Variants in PILRA observed in about 807,000 individuals in gnomAD.
PILRA encodes the protein paired immunoglobin like type 2 receptor alpha.
Under a neutral mutation model 33.1 loss-of-function variants are expected in PILRA, and 37 were observed. The observed-to-expected ratio is 1.12, with a 90% CI of 0.86 to 1.47. PILRA has a LOEUF of 1.47. Among genes scored for constraint, PILRA ranks in the 40% most tolerant of loss-of-function variants. The pLI is 0.00. For missense variants in PILRA, 312 were observed against 376.2 expected (o/e 0.83, Z 1.41); for synonymous variants, 146 against 149.9 (o/e 0.97, Z 0.19).
chr7:100,398,205 GTTA>G (rs1052784704), intron 4 of PILRA, among the ~76,000 whole-genome samples: 12 of 152,150 alleles, frequency 7.9e-5, no homozygotes, highest in African/African-American at 2.9e-4. Flanking sequence ...CTTTCCTGGT[GTTA>G]TTAAGCTTTT....
rs576193471 is a variant in PILRA at position 100,384,301 on chromosome 7, A to G, written c.455-5587A>G. ...ACGTTTGAGTCGTTACTAGACATAC[A>G]AATGGAGGTGTGAACAGGTAGATCT... On this transcript the variant is annotated intron_variant, in intron 2 of 6. Transcript: ENST00000198536. Among the ~76,000 whole-genome samples, 17 of 151,974 alleles carry G rather than the reference A, an allele frequency of 1.1e-4. No homozygotes were observed. In the East Asian group the frequency reaches 3.3e-3, roughly 29 times the overall value.
At chr7:100,395,854 G>A (rs552499017) in intron 3 of PILRA, among the ~76,000 whole-genome samples, 1 of 152,270 alleles carries the variant, frequency 6.6e-6, no homozygotes, top group East Asian at 1.9e-4. Context: ...GGCCAGGAGT[G>A]GTGGCTCACA....
At chr7:100,390,193 T>C (rs1791358459) in intron 3 of PILRA, 87 bp downstream of exon 3, 1 of 1,169,306 alleles carries the variant, frequency 8.6e-7, no homozygotes, top group Non-Finnish European at 1.3e-6. Context: ...TCCTGAAATA[T>C]GCAGACCCTG....
At chr7:100,382,678 C>T (rs959548437) in intron 2 of PILRA, among the ~76,000 whole-genome samples, 10 of 152,338 alleles carry the variant, frequency 6.6e-5, no homozygotes, top group African/African-American at 2.4e-4. Context: ...TATCAACTGG[C>T]TCTGGTTCTC....
chr7:100,375,642 G>C (rs1790926077), intron 2 of PILRA, among the ~76,000 whole-genome samples: 1 of 152,224 alleles, frequency 6.6e-6, no homozygotes, highest in Non-Finnish European at 1.5e-5. Context: ...TGAGGCAGGA[G>C]AATCACTTGA....
At chr7:100,399,404 C>T in intron 5 of PILRA, 64 bp downstream of exon 5, 1 of 1,464,360 alleles carries the variant, frequency 6.8e-7, no homozygotes, top group Non-Finnish European at 9.6e-7. Flanking sequence ...CCCCAAATAC[C>T]CCCTACCTGG....
chr7:100,383,569 GCT>G (rs1408272248), intron 2 of PILRA, among the ~76,000 whole-genome samples: 1 of 152,120 alleles, frequency 6.6e-6, no homozygotes, highest in African/African-American at 2.4e-5. Context: ...ACTCACTTTT[GCT>G]CTGAGTGCCA....
chr7:100,376,109 T>A (rs567309952), intron 2 of PILRA: 1 of 152,198 alleles, frequency 6.6e-6, no homozygotes, highest in Non-Finnish European at 1.5e-5. Context: ...GATAAATTAC[T>A]CTTCCCTGCA....
At chr7:100,386,038 T>C (rs969316298) in intron 2 of PILRA, among the ~76,000 whole-genome samples, 3 of 151,938 alleles carry the variant, frequency 2.0e-5, no homozygotes, top group African/African-American at 7.3e-5. Context: ...CAAGTGATTC[T>C]CCTGCCTCAG....
intron 2 of PILRA, among the ~76,000 whole-genome samples, chr7:100,386,326 C>T (rs1169010044): frequency 1.3e-5 from 2 of 152,114 alleles, no homozygotes; most frequent in Non-Finnish European, 2.9e-5. Flanking sequence ...AGTGATGTAT[C>T]ATAATTTATT....
chr7:100,398,854 C>T (rs1791555526), intron 4 of PILRA, among the ~76,000 whole-genome samples: 1 of 152,168 alleles, frequency 6.6e-6, no homozygotes, highest in African/African-American at 2.4e-5. Context: ...AAAACCATCA[C>T]ACCCATCCTG....
At chr7:100,385,321 G>A (rs1444156640) in intron 2 of PILRA, among the ~76,000 whole-genome samples, 1 of 152,122 alleles carries the variant, frequency 6.6e-6, no homozygotes, top group Non-Finnish European at 1.5e-5. Context: ...TACTTGATGC[G>A]ATTGTATCTT....
At position 100,373,954 on chromosome 7, in the gene PILRA, G is replaced by A. The variant is rs1278977731; in HGVS notation, c.65-90G>A. 2.0e-6 allele frequency: 3 copies of A among 1,513,322 alleles called. No individual in the cohort carries two copies. In the Admixed American group the frequency reaches 5.6e-5, roughly 28 times the overall value. 93.7% of individuals were successfully genotyped at this position (1,513,322 alleles called of 1,614,324 possible). A position where few individuals can be genotyped will look rare whatever the true frequency, so the allele number is the denominator to read the frequency against. ...GCCACCTGTCACACGACTGCCTGTG[G>A]GTGAAGGTGCGGGAGGGTCTGGGGT... On this transcript the variant is annotated intron_variant, in intron 1 of 6. Coordinates refer to ENST00000198536, the MANE Select transcript of PILRA (RefSeq NM_013439.3).
intron 3 of PILRA, among the ~76,000 whole-genome samples, chr7:100,393,908 A>C (rs946531968): frequency 3.3e-5 from 5 of 152,138 alleles, no homozygotes; most frequent in African/African-American, 7.2e-5. Flanking sequence ...CACGTGTGAG[A>C]GCCCCGGCCC....
In PILRA at chr7:100,374,038, C is replaced by T. The variant is rs1790883367; in HGVS notation, c.65-6C>T. 8.1e-6 allele frequency: 13 copies of T among 1,612,958 alleles called. No homozygotes were observed. The highest frequency in any genetic ancestry group is 1.1e-5 in the Non-Finnish European group (13 of 1,179,296). On this transcript the variant is annotated splice_polypyrimidine_tract_variant and splice_region_variant and intron_variant, in intron 1 of 6. Coordinates refer to ENST00000198536, the MANE Select transcript of PILRA (RefSeq NM_013439.3). The stretch of plus-strand genomic sequence containing the variant: ...CTCTCCCCTACTCACTCCCTCCCTC[C>T]TCTAGGTGGCTCCACAGGATCTGGT...
chr7:100,372,399 T>C (rs1790838166), upstream of PILRA, among the ~76,000 whole-genome samples: 1 of 152,238 alleles, frequency 6.6e-6, no homozygotes, highest in Non-Finnish European at 1.5e-5. Context: ...TGCCTGCTTC[T>C]GTCTCAAGAA....
intron 2 of PILRA, among the ~76,000 whole-genome samples, chr7:100,384,649 A>C (rs1008775513): frequency 5.3e-5 from 8 of 152,042 alleles, no homozygotes; most frequent in Non-Finnish European, 8.8e-5. Flanking sequence ...TTATCTGGGC[A>C]TGGTGGTGTG....
At chr7:100,399,711 C>T (rs1433391089) in intron 6 of PILRA, 74 bp from the exon 7 acceptor site, 1 of 1,611,526 alleles carries the variant, frequency 6.2e-7, no homozygotes, top group African/African-American at 1.3e-5. Context: ...GAGAGTCAAA[C>T]TGTAGGCTTG....
upstream of PILRA, among the ~76,000 whole-genome samples, chr7:100,371,748 G>A (rs553145948): frequency 1.3e-5 from 2 of 152,292 alleles, no homozygotes; most frequent in Non-Finnish European, 2.9e-5. Flanking sequence ...GAGAGCCACA[G>A]CCCCAGGCTC....
Sources: gnomAD v4.1 joint callset for allele counts (sites outside exome capture counted in the v4.1 genomes callset) on GRCh38, gnomAD v4.1.1 for gene constraint, MANE v1.5 for transcripts, NCBI Gene and HGNC (gene_info 2026-07-23, HGNC 2026-07-21) for gene names.